Variants in TMTC3 observed in about 807,000 individuals in gnomAD.
TMTC3 encodes transmembrane O-mannosyltransferase targeting cadherins 3, also known as protein O-mannosyl-transferase TMTC3.
TMTC3 carries 52 observed loss-of-function variants against 92.2 expected under a neutral mutation model. The observed-to-expected ratio is 0.56, with a 90% CI of 0.45 to 0.71. The LOEUF (loss-of-function observed/expected upper bound fraction) is 0.71. Ranked by LOEUF, TMTC3 falls within the 30% of genes least tolerant of loss-of-function variation. The pLI, the probability that TMTC3 is intolerant of heterozygous loss-of-function variation, is 0.00. For synonymous variants in TMTC3, 339 were observed against 363.3 expected, an observed-to-expected ratio of 0.93 and a Z score of 0.76; for missense variants, 896 against 1,057.1, an observed-to-expected ratio of 0.85 and a Z score of 2.11.
intron 7 of TMTC3, among the ~76,000 whole-genome samples, chr12:88,170,145 T>A (rs2041189087): frequency 6.6e-6 from 1 of 152,150 alleles, no homozygotes; most frequent in Admixed American, 6.5e-5. Context: ...CATACATTAT[T>A]AGAGAGCATA....
rs1030840006 is a variant in TMTC3 at position 88,199,000 on chromosome 12, T to G, written c.*3351T>G. 6.6e-6 allele frequency: 1 copy of G among 152,120 alleles called. No homozygotes were observed. The highest frequency in any genetic ancestry group is 6.6e-5 in the Admixed American group (1 of 15,254). 9.4% of individuals were successfully genotyped at this position (152,120 alleles called of 1,614,324 possible). A position where few individuals can be genotyped will look rare whatever the true frequency, so the allele number is the denominator to read the frequency against. ...ATCTGTGTACCATATTTCTAAGTAT[T>G]CATTATTAAATTGGTACTTCTTAAA... is the stretch of plus-strand genomic sequence containing the variant. On this transcript the variant is annotated 3_prime_UTR_variant, in exon 14 of 14. Coordinates refer to ENST00000266712, the MANE Select transcript of TMTC3 (RefSeq NM_181783.4).
At chr12:88,172,938 C>G (rs781491171) in intron 8 of TMTC3, 193 bp downstream of exon 8, 1 of 1,478,818 alleles carries the variant, frequency 6.8e-7, no homozygotes, top group South Asian at 1.2e-5. Context: ...TGTGTTCTTC[C>G]CTATATTTAT....
intron 4 of TMTC3, among the ~76,000 whole-genome samples, chr12:88,156,200 A>T (rs914534008): frequency 2.0e-4 from 31 of 152,180 alleles, no homozygotes; most frequent in African/African-American, 7.2e-4. Flanking sequence ...TCTCTGTTTT[A>T]TGATTGTTGT....
In TMTC3 at chr12:88,163,455, A is replaced by G. The variant is rs140530592; in HGVS notation, c.797+2604A>G. Among the ~76,000 whole-genome samples, 194 of 152,304 alleles carry G rather than the reference A, an allele frequency of 1.3e-3. 2 individuals are homozygous for G. The highest frequency in any genetic ancestry group is 9.3e-3 in the East Asian group (48 of 5,174). ...TAGTTTTCTGAAGGCTGCTGTAACAAATAACTACAAACTGAATAGCTTAAA... is the reference window on the plus strand; with the variant it reads ...TAGTTTTCTGAAGGCTGCTGTAACAGATAACTACAAACTGAATAGCTTAAA... On this transcript the variant is annotated intron_variant, in intron 6 of 13. Coordinates refer to ENST00000266712, the MANE Select transcript of TMTC3 (RefSeq NM_181783.4).
At chr12:88,194,767 G>A in intron 13 of TMTC3, 71 bp from the exon 14 acceptor site, 1 of 1,023,890 alleles carries the variant, frequency 9.8e-7, no homozygotes, top group African/African-American at 1.7e-5. Context: ...CTAAGTATTT[G>A]AAAATGGCTT....
At chr12:88,184,867 A>G (rs1377164645) in intron 10 of TMTC3, among the ~76,000 whole-genome samples, 2 of 152,160 alleles carry the variant, frequency 1.3e-5, no homozygotes, top group African/African-American at 4.8e-5. Context: ...TAAAAGCTAT[A>G]AAAAGGGCAT....
In TMTC3 at chr12:88,188,965, T is replaced by C; in HGVS notation, c.1536+19T>C. On this transcript the variant is annotated intron_variant, in intron 11 of 13. Transcript: ENST00000266712. ...GCCTCAAGTAAGTTGCCATAATTTATCTATTGTGTCATATCTATTAGATGT... is the reference window on the plus strand; with the variant it reads ...GCCTCAAGTAAGTTGCCATAATTTACCTATTGTGTCATATCTATTAGATGT... 7.3e-7 allele frequency: 1 copy of C among 1,361,512 alleles called. No homozygotes were observed. Among genetic ancestry groups the C allele is most frequent in the Non-Finnish European group, 1.0e-6 (1 of 961,256 alleles). 84.3% of individuals were successfully genotyped at this position (1,361,512 alleles called of 1,614,324 possible). A position where few individuals can be genotyped will look rare whatever the true frequency, so the allele number is the denominator to read the frequency against.
At chr12:88,152,060 G>A (rs1234067228) in intron 2 of TMTC3, among the ~76,000 whole-genome samples, 1 of 152,214 alleles carries the variant, frequency 6.6e-6, no homozygotes, top group Non-Finnish European at 1.5e-5. Flanking sequence ...AGCAAAATAT[G>A]ATAGGAAGTA....
Position 88,197,354 on chromosome 12 carries a change from A to G in TMTC3, c.*1705A>G, listed in dbSNP as rs972352441. On this transcript the variant is annotated 3_prime_UTR_variant, in exon 14 of 14. Transcript: ENST00000266712. ...ATCTAGGAGATTCTGTTAAGCATCC[A>G]AAAACAATGCCTAATTTCAGTTCTT... is the stretch of plus-strand genomic sequence containing the variant. 6 of 151,288 alleles carry G rather than the reference A, an allele frequency of 4.0e-5. No individual in the cohort carries two copies. In the South Asian group the frequency reaches 1.3e-3, roughly 32 times the overall value. 9.4% of individuals were successfully genotyped at this position (151,288 alleles called of 1,614,324 possible).
intron 7 of TMTC3, among the ~76,000 whole-genome samples, chr12:88,171,831 A>C (rs2041208279): frequency 6.6e-6 from 1 of 152,112 alleles, no homozygotes; most frequent in Admixed American, 6.6e-5. Flanking sequence ...AACAGTGTGC[A>C]AGTGTTTCCT....
Position 88,160,742 on chromosome 12 carries a change from T to C in TMTC3, c.688T>C (p.Phe230Leu). 6.2e-7 allele frequency: 1 copy of C among 1,613,636 alleles called. No homozygotes were observed. The highest frequency in any genetic ancestry group is 8.5e-7 in the Non-Finnish European group (1 of 1,179,716). ...TCTCCGTGGAAAGGGTAGCATTCCATTTTCTATGCTGCAGACACTAGTAAA... is the reference window on the plus strand; with the variant it reads ...TCTCCGTGGAAAGGGTAGCATTCCACTTTCTATGCTGCAGACACTAGTAAA... ...QFLRGKGSIPFSMLQTLVKLI... is the reference protein window; with the variant it reads ...QFLRGKGSIPLSMLQTLVKLI... The change falls in exon 6 of 14, where the codon TTT becomes CTT. Residue 230 changes from phenylalanine (F) to leucine (L), a missense_variant. Transcript: ENST00000266712.
At chr12:88,159,784 A>G (rs1049131026) in intron 4 of TMTC3, among the ~76,000 whole-genome samples, 2 of 152,074 alleles carry the variant, frequency 1.3e-5, no homozygotes, top group Admixed American at 6.6e-5. Flanking sequence ...ATTTGTCTTC[A>G]TTTCAGAATG....
At chr12:88,167,832 A>T (rs1376382267) in intron 7 of TMTC3, among the ~76,000 whole-genome samples, 1 of 152,216 alleles carries the variant, frequency 6.6e-6, no homozygotes. Context: ...ACACATAGAA[A>T]TCTTATCCAT....
At chr12:88,163,098 T>C (rs1175351998) in intron 6 of TMTC3, among the ~76,000 whole-genome samples, 1 of 152,094 alleles carries the variant, frequency 6.6e-6, no homozygotes, top group East Asian at 1.9e-4. Flanking sequence ...GTATTTTTAG[T>C]AGAGATAGGG....
intron 10 of TMTC3, among the ~76,000 whole-genome samples, chr12:88,178,854 T>C (rs1460082087): frequency 2.0e-5 from 3 of 152,218 alleles, no homozygotes; most frequent in Non-Finnish European, 4.4e-5. Flanking sequence ...GATAGTAATT[T>C]CTGTCTCACA....
At chr12:88,184,791 C>T (rs575516380) in intron 10 of TMTC3, among the ~76,000 whole-genome samples, 25 of 151,330 alleles carry the variant, frequency 1.7e-4, no homozygotes, top group Middle Eastern at 6.8e-3. Context: ...TATATATATA[C>T]ACACACACAA....
chr12:88,167,638 C>G (rs887955063), intron 7 of TMTC3, among the ~76,000 whole-genome samples: 1 of 152,144 alleles, frequency 6.6e-6, no homozygotes, highest in African/African-American at 2.4e-5. Flanking sequence ...AGAGAACTTA[C>G]ACAGTTCACG....
chr12:88,169,753 A>G (rs1180053595), intron 7 of TMTC3, among the ~76,000 whole-genome samples: 2 of 152,076 alleles, frequency 1.3e-5, no homozygotes, highest in Non-Finnish European at 2.9e-5. Context: ...AACCTGGGCA[A>G]GACAGTGAGA....
intron 11 of TMTC3, 69 bp from the exon 12 acceptor site, chr12:88,190,384 T>C: frequency 1.4e-6 from 2 of 1,400,594 alleles, no homozygotes; most frequent in South Asian, 1.3e-5. Context: ...AATTAGCCAA[T>C]AGGAATATGT....
Sources: gnomAD v4.1 joint callset for allele counts (sites outside exome capture counted in the v4.1 genomes callset) on GRCh38, gnomAD v4.1.1 for gene constraint, MANE v1.5 for transcripts, NCBI Gene and HGNC (gene_info 2026-07-23, HGNC 2026-07-21) for gene names.